CALN1: variants seen among roughly 807,000 people sequenced by gnomAD.
CALN1 encodes the protein calneuron 1.
Under a neutral mutation model 30.6 loss-of-function variants are expected in CALN1, and 17 were observed. The ratio of observed to expected loss-of-function variants is 0.56; its 90% CI spans 0.38 to 0.83. CALN1 has a LOEUF of 0.83. CALN1 is among the 40% of genes least tolerant of loss of function. The probability of loss-of-function intolerance (pLI) is 0.00; values close to 1 mark genes in which losing one functional copy is unlikely to be tolerated. For synonymous variants in CALN1, 156 were observed against 131.4 expected, an observed-to-expected ratio of 1.19 and a Z score of -1.28; for missense variants, 291 against 354.9, an observed-to-expected ratio of 0.82 and a Z score of 1.45.
rs2129553145 is a variant in CALN1, at chr7:72,266,536, C to G, written c.244+12150G>C. The stretch of plus-strand genomic sequence containing the variant: ...CCAATGTGTTCCTTTAAGGGGCTGT[C>G]ATATTTTTTTCCTTCCTCCCTGTGT... On this transcript the variant is annotated intron_variant, in intron 3 of 6. Coordinates refer to ENST00000395275, the MANE Select transcript of CALN1 (RefSeq NM_031468.4). Among the ~76,000 whole-genome samples the G allele has an allele frequency of 1.3e-5, 2 of 152,272 alleles. 1 individual carries two copies. Among genetic ancestry groups the G allele is most frequent in the South Asian group, 4.2e-4 (2 of 4,816 alleles).
upstream of CALN1, among the ~76,000 whole-genome samples, chr7:72,415,364 T>C (rs1268356978): frequency 6.6e-6 from 1 of 152,208 alleles, no homozygotes; most frequent in East Asian, 1.9e-4. Context: ...CCAGCAGTCA[T>C]GCCAAGAGGC....
chr7:72,180,341 G>A (rs1003428929), intron 3 of CALN1, among the ~76,000 whole-genome samples: 4 of 152,100 alleles, frequency 2.6e-5, no homozygotes, highest in Non-Finnish European at 4.4e-5. Flanking sequence ...CAGGTTCAGG[G>A]GGTGACAGCC....
At chr7:71,917,876 G>A (rs1017687040) in intron 5 of CALN1, among the ~76,000 whole-genome samples, 8 of 152,122 alleles carry the variant, frequency 5.3e-5, no homozygotes, top group South Asian at 2.1e-4. Flanking sequence ...CAATCATCAC[G>A]TTGTACACAT....
chr7:72,338,618 T>C (rs927048112), intron 2 of CALN1, among the ~76,000 whole-genome samples: 2 of 152,048 alleles, frequency 1.3e-5, no homozygotes, highest in Admixed American at 6.6e-5. Context: ...GTATTATTAC[T>C]ATCTTGTATA....
chr7:71,935,328 A>G (rs575302118), intron 5 of CALN1, among the ~76,000 whole-genome samples: 20 of 152,208 alleles, frequency 1.3e-4, no homozygotes, highest in Admixed American at 2.6e-4. Context: ...AACAAGTGAA[A>G]GAAGGAAAAA....
chr7:72,406,611 T>A (rs1168530885), intron 1 of CALN1, among the ~76,000 whole-genome samples: 1 of 94,238 alleles, frequency 1.1e-5, no homozygotes, highest in African/African-American at 4.8e-5. Context: ...AGGGTCCTTG[T>A]CAGCTTTTTT....
chr7:71,963,696 T>A lies in CALN1; in HGVS notation c.501+59961A>T, dbSNP rs374968103. ...CCTTACCCCCTTGGTCACCACTTTA[T>A]ATGTTTTATATGTAATACTGATACA... is the stretch of plus-strand genomic sequence containing the variant. On this transcript the variant is annotated intron_variant, in intron 5 of 6. Transcript: ENST00000395275. Among the ~76,000 whole-genome samples, 43 of 152,038 alleles carry A rather than the reference T, an allele frequency of 2.8e-4. 1 individual carries two copies. The East Asian group carries it at 6.9e-3, about 25-fold the overall frequency.
intron 5 of CALN1, among the ~76,000 whole-genome samples, chr7:71,835,377 G>A (rs941912420): frequency 2.0e-5 from 3 of 152,166 alleles, no homozygotes; most frequent in Admixed American, 6.5e-5. Context: ...GAAACATGGC[G>A]GCACGGGGTA....
intron 5 of CALN1, among the ~76,000 whole-genome samples, chr7:71,899,811 C>T (rs1175958449): frequency 1.3e-5 from 2 of 151,988 alleles, no homozygotes; most frequent in Non-Finnish European, 2.9e-5. Context: ...AGAATATGTC[C>T]GTACGTATAT....
At chr7:72,272,887 G>A (rs1352297921) in intron 3 of CALN1, among the ~76,000 whole-genome samples, 1 of 151,990 alleles carries the variant, frequency 6.6e-6, no homozygotes, top group Non-Finnish European at 1.5e-5. Flanking sequence ...TCCCATCCTG[G>A]GTTATCTATA....
intron 2 of CALN1, among the ~76,000 whole-genome samples, chr7:72,349,256 AAG>A (rs957454488): frequency 2.0e-5 from 3 of 151,106 alleles, no homozygotes; most frequent in South Asian, 2.1e-4. Flanking sequence ...GCGAGAGAAA[AAG>A]AGAGAGACTG....
At chr7:72,289,065 A>C (rs943090638) in intron 2 of CALN1, among the ~76,000 whole-genome samples, 1 of 152,212 alleles carries the variant, frequency 6.6e-6, no homozygotes, top group African/African-American at 2.4e-5. Flanking sequence ...TGAATTATGA[A>C]GGTTAACCTA....
intron 2 of CALN1, among the ~76,000 whole-genome samples, chr7:72,367,952 T>C (rs1803972233): frequency 6.6e-6 from 1 of 151,624 alleles, no homozygotes; most frequent in African/African-American, 2.4e-5. Flanking sequence ...GCTAGCACAG[T>C]AAAACCCCGT....
chr7:72,206,597 G>A (rs1791906884), intron 3 of CALN1, among the ~76,000 whole-genome samples: 1 of 151,758 alleles, frequency 6.6e-6, no homozygotes, highest in South Asian at 2.1e-4. Context: ...CCTTTATTGT[G>A]TTTATTCTTT....
At chr7:72,150,818 A>G (rs145194405) in intron 3 of CALN1, among the ~76,000 whole-genome samples, 32 of 152,298 alleles carry the variant, frequency 2.1e-4, no homozygotes, top group Non-Finnish European at 3.8e-4. Context: ...TAAAACATGC[A>G]AAGTATACTT....
chr7:71,889,862 G>C (rs1793135273), intron 5 of CALN1, among the ~76,000 whole-genome samples: 1 of 152,042 alleles, frequency 6.6e-6, no homozygotes, highest in Admixed American at 6.6e-5. Flanking sequence ...CTACTCTGGA[G>C]GCTGAGGCAG....
At chr7:72,339,047 CATAA>C (rs1025324599) in intron 2 of CALN1, among the ~76,000 whole-genome samples, 2 of 150,718 alleles carry the variant, frequency 1.3e-5, no homozygotes, top group African/African-American at 4.9e-5. Context: ...TTTTAGATCC[CATAA>C]ATAAGTGAAA....
upstream of CALN1, among the ~76,000 whole-genome samples, chr7:72,449,360 G>T (rs1341378749): frequency 1.3e-5 from 2 of 152,168 alleles, no homozygotes; most frequent in East Asian, 1.9e-4. Flanking sequence ...GGATGGAGCG[G>T]AATGGCCACA....
chr7:72,049,970 T>A (rs1206439777), intron 4 of CALN1, among the ~76,000 whole-genome samples: 1 of 151,084 alleles, frequency 6.6e-6, no homozygotes, highest in East Asian at 2.0e-4. Flanking sequence ...CTACCACTCC[T>A]GGCTATACTT....
Sources: gnomAD v4.1 joint callset for allele counts (sites outside exome capture counted in the v4.1 genomes callset) on GRCh38, gnomAD v4.1.1 for gene constraint, MANE v1.5 for transcripts, NCBI Gene and HGNC (gene_info 2026-07-23, HGNC 2026-07-21) for gene names.